The following CTH variants were observed in gnomAD, a reference collection of about 807,000 sequenced individuals.
CTH encodes cystathionine gamma-lyase.
CTH carries 41 observed loss-of-function variants against 50.6 expected under a neutral mutation model. The ratio of observed to expected loss-of-function variants is 0.81; its 90% CI spans 0.63 to 1.05. CTH has a LOEUF of 1.05. CTH is among the 50% of genes least tolerant of loss of function. The pLI is 0.00. For missense variants in CTH, 470 were observed against 492.6 expected (o/e 0.95, Z 0.43); for synonymous variants, 156 against 168.9 (o/e 0.92, Z 0.59).
intron 11 of CTH, 22 bp from the exon 12 acceptor site, chr1:70,439,079 T>C: frequency 6.2e-7 from 1 of 1,607,286 alleles, no homozygotes; most frequent in Non-Finnish European, 8.5e-7. Flanking sequence ...TAACATATTT[T>C]TCTTGTGCAC....
intron 9 of CTH, 63 bp downstream of exon 9, chr1:70,434,012 T>C (rs1174907436): frequency 6.2e-7 from 1 of 1,604,672 alleles, no homozygotes; most frequent in African/African-American, 1.3e-5. Flanking sequence ...TCACTATCTC[T>C]CACTTCTACT....
At chr1:70,437,488 T>C (rs2101762594) in intron 10 of CTH, among the ~76,000 whole-genome samples, 1 of 152,296 alleles carries the variant, frequency 6.6e-6, no homozygotes. Context: ...ATGCATCTAT[T>C]ATTATTTCAG....
At chr1:70,412,994 T>C (rs984291699) in intron 1 of CTH, among the ~76,000 whole-genome samples, 8 of 152,160 alleles carry the variant, frequency 5.3e-5, no homozygotes, top group African/African-American at 1.7e-4. Flanking sequence ...CATAGCTTTT[T>C]TCCCCCTTTT....
intron 1 of CTH, among the ~76,000 whole-genome samples, chr1:70,415,299 G>T (rs924312473): frequency 3.3e-5 from 5 of 152,068 alleles, no homozygotes; most frequent in African/African-American, 9.7e-5. Flanking sequence ...AGCTACTCAG[G>T]AGGCTGAGAT....
At chr1:70,422,812 T>C (rs1413414448) in intron 4 of CTH, among the ~76,000 whole-genome samples, 6 of 151,864 alleles carry the variant, frequency 4.0e-5, no homozygotes, top group Admixed American at 3.9e-4. Context: ...GGGTTTCACC[T>C]TGTTGGCCAG....
At chr1:70,429,740 T>G in intron 5 of CTH, 54 bp from the exon 6 acceptor site, 1 of 1,214,390 alleles carries the variant, frequency 8.2e-7, no homozygotes, top group Non-Finnish European at 1.2e-6. Flanking sequence ...AGGCAGGTAA[T>G]GAAGCATATT....
In CTH at chr1:70,432,177, A is replaced by G. The variant is rs1219372679; in HGVS notation, c.819A>G (p.Gly273=). 6.2e-7 allele frequency: 1 copy of G among 1,614,080 alleles called. No homozygotes were observed. The highest frequency in any genetic ancestry group is 1.3e-5 in the African/African-American group (1 of 74,942). Reference sequence around the variant, plus strand: ...GAATGGAAAAGCATTTCAAAAACGGAATGGCAGTTGCCCAGTTCCTGGAAT... The same window carrying G: ...GAATGGAAAAGCATTTCAAAAACGGGATGGCAGTTGCCCAGTTCCTGGAAT... The part of the protein sequence containing the change: ...HVRMEKHFKN[G]MAVAQFLESN... The change falls in exon 8 of 12, where the codon GGA becomes GGG. Residue 273 remains glycine, a synonymous_variant. Transcript: ENST00000370938.
Position 70,424,269 on chromosome 1 carries a change from T to C in CTH, c.457-16T>C. Reference sequence around the variant, plus strand: ...TATATTTTTACAAACTACTGTTATTTGCTGAATTATTTTAGCTTGTTTGGA... The same window carrying C: ...TATATTTTTACAAACTACTGTTATTCGCTGAATTATTTTAGCTTGTTTGGA... On this transcript the variant is annotated splice_polypyrimidine_tract_variant and intron_variant, in intron 4 of 11. Coordinates refer to ENST00000370938, the MANE Select transcript of CTH (RefSeq NM_001902.6). 1 of 1,614,062 alleles carries C rather than the reference T, an allele frequency of 6.2e-7. No homozygotes were observed. Among genetic ancestry groups the C allele is most frequent in the East Asian group, 2.2e-5 (1 of 44,862 alleles).
chr1:70,428,114 G>A (rs1684388121), intron 5 of CTH, among the ~76,000 whole-genome samples: 1 of 152,132 alleles, frequency 6.6e-6, no homozygotes, highest in Non-Finnish European at 1.5e-5. Flanking sequence ...TATGTTAAGT[G>A]AAATAAGCCA....
intron 3 of CTH, among the ~76,000 whole-genome samples, chr1:70,420,604 C>T (rs1457535277): frequency 1.3e-5 from 2 of 152,104 alleles, no homozygotes; most frequent in Non-Finnish European, 2.9e-5. Flanking sequence ...AGGCCACAAA[C>T]CTGTACCTGT....
intron 10 of CTH, among the ~76,000 whole-genome samples, chr1:70,436,110 A>C (rs1684592130): frequency 6.6e-6 from 1 of 152,140 alleles, no homozygotes; most frequent in Admixed American, 6.5e-5. Flanking sequence ...CAGGAGTTCA[A>C]GACCAGCCTG....
intron 7 of CTH, among the ~76,000 whole-genome samples, chr1:70,431,403 T>G (rs1367069034): frequency 6.6e-6 from 1 of 152,200 alleles, no homozygotes; most frequent in African/African-American, 2.4e-5. Flanking sequence ...GATGGTTAAT[T>G]TTAAATAGCA....
At position 70,418,883 on chromosome 1, in the gene CTH, C is replaced by T. The variant is rs116197665; in HGVS notation, c.346+851C>T. On this transcript the variant is annotated intron_variant, in intron 3 of 11. Coordinates refer to ENST00000370938, the MANE Select transcript of CTH (RefSeq NM_001902.6). The stretch of plus-strand genomic sequence containing the variant: ...ATTTTAGGGGTCTCATGGATTGAAC[C>T]GCTGAAGCCCATCTATGGCTCTAAA... 4.6e-3 allele frequency among the ~76,000 whole-genome samples: 698 copies of T among 151,964 alleles called. 1 individual carries two copies. Among genetic ancestry groups the T allele is most frequent in the African/African-American group, 0.016 (664 of 41,468 alleles).
At chr1:70,433,666 C>T (rs1368482532) in intron 8 of CTH, among the ~76,000 whole-genome samples, 162 bp from the exon 9 acceptor site, 1 of 152,064 alleles carries the variant, frequency 6.6e-6, no homozygotes, top group Non-Finnish European at 1.5e-5. Context: ...CAACATGAAG[C>T]TGGAGAGATA....
At chr1:70,411,688 G>C in intron 1 of CTH, 105 bp downstream of exon 1, 8 of 1,490,468 alleles carry the variant, frequency 5.4e-6, no homozygotes, top group Non-Finnish European at 6.2e-6. Context: ...TTATAAATTA[G>C]GAAGGCAACC....
At chr1:70,435,856 T>C (rs965510197) in intron 10 of CTH, among the ~76,000 whole-genome samples, 4 of 152,136 alleles carry the variant, frequency 2.6e-5, no homozygotes, top group Non-Finnish European at 5.9e-5. Context: ...TTGAGCTGAT[T>C]GACTCAAGTG....
Position 70,433,886 on chromosome 1 carries a change from G to T in CTH, c.936G>T (p.Gly312=). Residue 312 remains glycine, a synonymous_variant, in exon 9 of 12, where the codon GGG becomes GGT. Coordinates refer to ENST00000370938, the MANE Select transcript of CTH (RefSeq NM_001902.6). The part of the protein sequence containing the change: ...LVKRQCTGCT[G]MVTFYIKGTL... ...AGCGTCAGTGTACAGGTTGTACAGG[G>T]ATGGTCACCTTTTATATTAAGGGCA... The T allele has an allele frequency of 6.2e-7, 1 of 1,614,110 alleles. No homozygotes were observed. Among genetic ancestry groups the T allele is most frequent in the Non-Finnish European group, 8.5e-7 (1 of 1,180,002 alleles).
chr1:70,432,357 A>T lies in CTH; in HGVS notation c.877+122A>T, dbSNP rs1488933870. 1.1e-5 allele frequency: 13 copies of T among 1,179,522 alleles called. No homozygotes were observed. The Admixed American group carries it at 2.5e-4, about 23-fold the overall frequency. 73.1% of individuals were successfully genotyped at this position (1,179,522 alleles called of 1,614,324 possible). A position where few individuals can be genotyped will look rare whatever the true frequency, so the allele number is the denominator to read the frequency against. On this transcript the variant is annotated intron_variant, in intron 8 of 11. Transcript: ENST00000370938. The stretch of plus-strand genomic sequence containing the variant: ...CACGTATTGTTTTTGTTCATTTATT[A>T]TTGAGCACTGCCATGTGTCAGGCTC...
chr1:70,435,026 C>T lies in CTH; in HGVS notation c.1000-99C>T, dbSNP rs751350014. The T allele has an allele frequency of 6.2e-6, 7 of 1,127,168 alleles. No homozygotes were observed. In the African/African-American group the frequency reaches 9.5e-5, roughly 15 times the overall value. The allele number at this position is 1,127,168 out of a possible 1,614,324, so 69.8% of individuals were successfully genotyped here. On this transcript the variant is annotated intron_variant, in intron 9 of 11. Coordinates refer to ENST00000370938, the MANE Select transcript of CTH (RefSeq NM_001902.6). The stretch of plus-strand genomic sequence containing the variant: ...TTGGCCTCCCAAAGTGCTGGGATTA[C>T]AGGCATGAGCCACTGTGCCTGGCCT...
Sources: gnomAD v4.1 joint callset for allele counts (sites outside exome capture counted in the v4.1 genomes callset) on GRCh38, gnomAD v4.1.1 for gene constraint, MANE v1.5 for transcripts, NCBI Gene and HGNC (gene_info 2026-07-23, HGNC 2026-07-21) for gene names.